ST6GAL1: variants seen among roughly 807,000 people sequenced by gnomAD.
ST6GAL1 encodes ST6 beta-galactoside alpha-2,6-sialyltransferase 1, also known as beta-galactoside alpha-2,6-sialyltransferase 1.
ST6GAL1 carries 20 observed loss-of-function variants against 38.0 expected under a neutral mutation model. That is an observed-to-expected ratio of 0.53 (90% CI 0.37 to 0.77). ST6GAL1 has a LOEUF of 0.77. Ranked by LOEUF, ST6GAL1 falls within the 30% of genes least tolerant of loss-of-function variation. The pLI, the probability that ST6GAL1 is intolerant of heterozygous loss-of-function variation, is 0.00. For synonymous variants in ST6GAL1, 196 were observed against 188.2 expected, an observed-to-expected ratio of 1.04 and a Z score of -0.34; for missense variants, 432 against 496.4, an observed-to-expected ratio of 0.87 and a Z score of 1.23.
intron 2 of ST6GAL1, among the ~76,000 whole-genome samples, chr3:186,982,482 G>T (rs769671182): frequency 1.3e-5 from 2 of 152,186 alleles, no homozygotes; most frequent in Non-Finnish European, 2.9e-5. Flanking sequence ...CAAAGATATT[G>T]AGGGCCAGGA....
At chr3:187,046,391 A>G (rs1035309133) in intron 4 of ST6GAL1, among the ~76,000 whole-genome samples, 1 of 152,204 alleles carries the variant, frequency 6.6e-6, no homozygotes, top group Non-Finnish European at 1.5e-5. Flanking sequence ...GTAGATATCT[A>G]TGCTGTTGAG....
chr3:186,938,150 G>T (rs1438924406), intron 1 of ST6GAL1, among the ~76,000 whole-genome samples: 1 of 152,186 alleles, frequency 6.6e-6, no homozygotes, highest in Non-Finnish European at 1.5e-5. Context: ...CCATAGGGTA[G>T]TCCTAAAGTT....
chr3:187,047,224 T>C (rs866388343), intron 4 of ST6GAL1, among the ~76,000 whole-genome samples: 15 of 150,926 alleles, frequency 9.9e-5, no homozygotes, highest in African/African-American at 3.7e-4. Flanking sequence ...GGATTACAGG[T>C]GTGAGCCACC....
chr3:186,935,296 A>G (rs913579405), intron 1 of ST6GAL1, among the ~76,000 whole-genome samples: 2 of 152,142 alleles, frequency 1.3e-5, no homozygotes, highest in African/African-American at 4.8e-5. Flanking sequence ...GCTAAAGATA[A>G]TGACCTCCAG....
At chr3:186,972,504 C>A (rs2108532444) in intron 2 of ST6GAL1, among the ~76,000 whole-genome samples, 1 of 152,162 alleles carries the variant, frequency 6.6e-6, no homozygotes, top group Non-Finnish European at 1.5e-5. Flanking sequence ...CCCGCCCCGG[C>A]CTCCCAAAGT....
intron 5 of ST6GAL1, among the ~76,000 whole-genome samples, chr3:187,067,043 A>C (rs1023060075): frequency 6.9e-6 from 1 of 144,152 alleles, no homozygotes; most frequent in Non-Finnish European, 1.5e-5. Context: ...CCAATTCCCC[A>C]TCCAGTTTTA....
chr3:186,978,644 G>A (rs1715595220), intron 2 of ST6GAL1, among the ~76,000 whole-genome samples: 1 of 152,182 alleles, frequency 6.6e-6, no homozygotes, highest in South Asian at 2.1e-4. Context: ...TTTAGTGCTG[G>A]GAGCACACCA....
chr3:186,932,591 C>T (rs1713798701), intron 1 of ST6GAL1, among the ~76,000 whole-genome samples: 1 of 152,218 alleles, frequency 6.6e-6, no homozygotes, highest in Non-Finnish European at 1.5e-5. Flanking sequence ...AGGCCAGCTA[C>T]GGAGACTCAG....
intron 4 of ST6GAL1, among the ~76,000 whole-genome samples, chr3:187,045,451 T>C (rs1269511364): frequency 6.6e-6 from 1 of 152,196 alleles, no homozygotes; most frequent in Non-Finnish European, 1.5e-5. Flanking sequence ...TTGCTGGAAT[T>C]TTCATGTCAA....
At chr3:187,053,245 G>A (rs1462207100) in intron 5 of ST6GAL1, among the ~76,000 whole-genome samples, 2 of 152,006 alleles carry the variant, frequency 1.3e-5, no homozygotes, top group Non-Finnish European at 2.9e-5. Flanking sequence ...CCATTCTTTA[G>A]GTTGGCTGTT....
At chr3:187,066,022 A>G (rs2108598427) in intron 5 of ST6GAL1, among the ~76,000 whole-genome samples, 1 of 151,838 alleles carries the variant, frequency 6.6e-6, no homozygotes, top group East Asian at 1.9e-4. Context: ...GCTTTCTGGA[A>G]GCTCCAACTT....
intron 5 of ST6GAL1, among the ~76,000 whole-genome samples, chr3:187,055,424 C>T (rs1347438177): frequency 1.3e-5 from 2 of 152,122 alleles, no homozygotes; most frequent in Non-Finnish European, 2.9e-5. Context: ...ATCTTTTCTG[C>T]TTTCTCTTGT....
chr3:187,039,994 C>G (rs574668379), intron 3 of ST6GAL1, among the ~76,000 whole-genome samples: 1 of 152,340 alleles, frequency 6.6e-6, no homozygotes, highest in African/African-American at 2.4e-5. Context: ...GAAACCACAC[C>G]TTGGAGAGTA....
At chr3:187,054,827 A>C (rs1718635992) in intron 5 of ST6GAL1, among the ~76,000 whole-genome samples, 1 of 152,180 alleles carries the variant, frequency 6.6e-6, no homozygotes, top group Non-Finnish European at 1.5e-5. Context: ...TGAATTAGGG[A>C]GGATTCCCTC....
Position 186,963,232 on chromosome 3 carries a change from C to T in ST6GAL1, c.-324-553C>T, listed in dbSNP as rs3891321. Among the ~76,000 whole-genome samples, 537 of 151,988 alleles carry T rather than the reference C, an allele frequency of 3.5e-3. 6 individuals carry two copies. Among genetic ancestry groups the T allele is most frequent in the African/African-American group, 0.012 (497 of 41,436 alleles). ...GAAATTAAATTCACTTTAAAAAAAACTTTTTTTTTGAGACGGAGTTTCGCT... is the reference window on the plus strand; with the variant it reads ...GAAATTAAATTCACTTTAAAAAAAATTTTTTTTTTGAGACGGAGTTTCGCT... On this transcript the variant is annotated intron_variant, in intron 1 of 7. Transcript: ENST00000169298.
At chr3:187,013,099 A>T (rs1717009272) in intron 2 of ST6GAL1, among the ~76,000 whole-genome samples, 1 of 152,250 alleles carries the variant, frequency 6.6e-6, no homozygotes, top group Non-Finnish European at 1.5e-5. Context: ...TCAATTCATA[A>T]TGGAGGAGAC....
chr3:187,060,159 G>A (rs1482481123), intron 5 of ST6GAL1, among the ~76,000 whole-genome samples: 1 of 152,074 alleles, frequency 6.6e-6, no homozygotes, highest in Non-Finnish European at 1.5e-5. Flanking sequence ...CTGCACCGAG[G>A]CATCTTCTTT....
intron 2 of ST6GAL1, among the ~76,000 whole-genome samples, chr3:186,967,732 A>G (rs539785499): frequency 5.6e-4 from 86 of 152,296 alleles, no homozygotes; most frequent in African/African-American, 2.0e-3. Flanking sequence ...GGAAGGCTTG[A>G]TCGTTAGCCA....
intron 2 of ST6GAL1, among the ~76,000 whole-genome samples, chr3:186,970,617 G>A (rs1468825944): frequency 6.6e-6 from 1 of 151,882 alleles, no homozygotes; most frequent in Non-Finnish European, 1.5e-5. Flanking sequence ...CTATAATTTT[G>A]CCTTTGGAGA....
Sources: gnomAD v4.1 joint callset for allele counts (sites outside exome capture counted in the v4.1 genomes callset) on GRCh38, gnomAD v4.1.1 for gene constraint, MANE v1.5 for transcripts, NCBI Gene and HGNC (gene_info 2026-07-23, HGNC 2026-07-21) for gene names.